The following LRMDA variants were observed in gnomAD, a reference collection of about 807,000 sequenced individuals.
The protein encoded by LRMDA is leucine-rich melanocyte differentiation-associated protein.
A neutral mutation model predicts 29.8 loss-of-function variants in LRMDA; 18 were observed. That is an observed-to-expected ratio of 0.60 (90% confidence interval 0.42 to 0.90). LRMDA has a LOEUF of 0.90. LRMDA is among the 40% of genes least tolerant of loss of function. The pLI is 0.00. For synonymous variants in LRMDA, 125 were observed against 109.4 expected (o/e 1.14, Z -0.89); for missense variants, 273 against 273.9 (o/e 1.00, Z 0.02).
At chr10:75,926,208 C>T (rs552911629) in intron 2 of LRMDA, among the ~76,000 whole-genome samples, 3 of 152,098 alleles carry the variant, frequency 2.0e-5, no homozygotes, top group Non-Finnish European at 4.4e-5. Context: ...TAGAACTGGG[C>T]ATCAACTGCC....
intron 2 of LRMDA, among the ~76,000 whole-genome samples, chr10:75,563,933 T>G (rs1196625812): frequency 6.6e-6 from 1 of 152,208 alleles, no homozygotes; most frequent in East Asian, 1.9e-4. Context: ...GGTGTCAGTC[T>G]GCCCCTACTG....
At chr10:75,551,139 A>G (rs73275594) in intron 2 of LRMDA, among the ~76,000 whole-genome samples, 4,189 of 151,368 alleles carry the variant, frequency 0.028, 213 homozygotes, top group African/African-American at 0.096. Flanking sequence ...TTTGCAAACT[A>G]AATATATTTT....
At chr10:75,886,040 G>A (rs1402672810) in intron 2 of LRMDA, among the ~76,000 whole-genome samples, 1 of 152,232 alleles carries the variant, frequency 6.6e-6, no homozygotes, top group African/African-American at 2.4e-5. Context: ...GAAAAGAGAA[G>A]AAAGTAGGAA....
intron 5 of LRMDA, among the ~76,000 whole-genome samples, chr10:76,294,310 T>C (rs181076978): frequency 6.6e-6 from 1 of 152,278 alleles, no homozygotes; most frequent in East Asian, 1.9e-4. Flanking sequence ...ACTCTTTGCT[T>C]TGCTGATTGC....
At chr10:75,904,488 T>A (rs1845727069) in intron 2 of LRMDA, among the ~76,000 whole-genome samples, 1 of 152,166 alleles carries the variant, frequency 6.6e-6, no homozygotes, top group Admixed American at 6.5e-5. Context: ...AAAAAATGAA[T>A]GTGTCAGTAA....
At chr10:76,147,235 T>G (rs1850342668) in intron 5 of LRMDA, among the ~76,000 whole-genome samples, 1 of 152,218 alleles carries the variant, frequency 6.6e-6, no homozygotes, top group African/African-American at 2.4e-5. Context: ...TTGGCCTGCC[T>G]TGCTAGATTG....
intron 6 of LRMDA, among the ~76,000 whole-genome samples, chr10:76,399,644 T>G (rs1026955598): frequency 6.6e-6 from 1 of 152,168 alleles, no homozygotes; most frequent in Non-Finnish European, 1.5e-5. Flanking sequence ...CGTTCTCTTT[T>G]TCCCCCCAAA....
intron 6 of LRMDA, among the ~76,000 whole-genome samples, chr10:76,421,380 TCTCTA>T (rs1179663787): frequency 3.9e-5 from 6 of 152,172 alleles, no homozygotes; most frequent in African/African-American, 1.2e-4. Context: ...TCTTTTCACT[TCTCTA>T]CTCTCAAATT....
chr10:75,491,161 G>A lies in LRMDA; in HGVS notation c.131+52667G>A, dbSNP rs143492820. Among the ~76,000 whole-genome samples the A allele has an allele frequency of 6.6e-4, 100 of 152,282 alleles. No homozygotes were observed. In the East Asian group the frequency reaches 0.017, roughly 26 times the overall value. Reference sequence around the variant, plus strand: ...GACTTGGAAGAATTATTATTTGGTTGTAGGCATTTTATTATGTAGCTTCGT... The same window carrying A: ...GACTTGGAAGAATTATTATTTGGTTATAGGCATTTTATTATGTAGCTTCGT... On this transcript the variant is annotated intron_variant, in intron 2 of 6. Coordinates refer to ENST00000611255, the MANE Select transcript of LRMDA (RefSeq NM_001305581.2).
intron 5 of LRMDA, among the ~76,000 whole-genome samples, chr10:76,167,476 G>C (rs114971939): frequency 0.011 from 1,627 of 152,220 alleles, 46 homozygotes; most frequent in African/African-American, 0.037. Context: ...GCATATGGCT[G>C]GCCAGTTATC....
At chr10:76,055,095 G>GAAAAAGA (rs1848591574) in intron 4 of LRMDA, among the ~76,000 whole-genome samples, 1 of 90,836 alleles carries the variant, frequency 1.1e-5, no homozygotes, top group Non-Finnish European at 2.2e-5. Flanking sequence ...AAAAAAAAAA[G>GAAAAAGA]AAAAAGAAAA....
intron 5 of LRMDA, among the ~76,000 whole-genome samples, chr10:76,175,630 C>T (rs1372862196): frequency 1.3e-5 from 2 of 152,190 alleles, no homozygotes; most frequent in African/African-American, 4.8e-5. Flanking sequence ...CTCGAGTTTG[C>T]TCAGCCTCCA....
chr10:76,241,426 G>A (rs1017649340), intron 5 of LRMDA, among the ~76,000 whole-genome samples: 1 of 152,050 alleles, frequency 6.6e-6, no homozygotes, highest in Non-Finnish European at 1.5e-5. Context: ...CATTACAGGT[G>A]GGAGAATAAT....
intron 2 of LRMDA, among the ~76,000 whole-genome samples, chr10:75,445,782 C>A (rs907394638): frequency 6.6e-6 from 1 of 152,236 alleles, no homozygotes; most frequent in Non-Finnish European, 1.5e-5. Flanking sequence ...GATAAATATT[C>A]CCATGTCAAC....
chr10:76,240,179 T>TACACACACACACACCAC (rs1021477810), intron 5 of LRMDA, among the ~76,000 whole-genome samples: 1 of 148,564 alleles, frequency 6.7e-6, no homozygotes, highest in Admixed American at 6.7e-5. Flanking sequence ...CAAAATCGCA[T>TACACACACACACACCAC]ACACACACAC....
In LRMDA at chr10:75,740,339, A is replaced by G. The variant is rs1345346873; in HGVS notation, c.132-295669A>G. Among the ~76,000 whole-genome samples the G allele has an allele frequency of 3.3e-5, 5 of 152,244 alleles. No homozygotes were observed. In the East Asian group the frequency reaches 7.7e-4, roughly 24 times the overall value. On this transcript the variant is annotated intron_variant, in intron 2 of 6. Transcript: ENST00000611255. ...GTCTTGGGGAATGGCTCCTGGGAAC[A>G]CGGGTGTCTGCTTGCGGCATCACTG...
At chr10:75,865,473 C>T (rs1228868952) in intron 2 of LRMDA, among the ~76,000 whole-genome samples, 1 of 152,206 alleles carries the variant, frequency 6.6e-6, no homozygotes, top group Non-Finnish European at 1.5e-5. Context: ...TTATTTTAGA[C>T]ACACTTCTAT....
chr10:75,831,119 C>T (rs1309382151), intron 2 of LRMDA, among the ~76,000 whole-genome samples: 2 of 151,886 alleles, frequency 1.3e-5, no homozygotes, highest in Non-Finnish European at 2.9e-5. Context: ...GATCTCGGCT[C>T]ACTGCAAGCT....
intron 2 of LRMDA, among the ~76,000 whole-genome samples, chr10:75,893,944 A>AC (rs2132356447): frequency 6.6e-6 from 1 of 151,228 alleles, no homozygotes; most frequent in African/African-American, 2.4e-5. Flanking sequence ...AAAAAAAAAA[A>AC]ACAAAAAAAA....
Sources: gnomAD v4.1 joint callset for allele counts (sites outside exome capture counted in the v4.1 genomes callset) on GRCh38, gnomAD v4.1.1 for gene constraint, MANE v1.5 for transcripts, NCBI Gene and HGNC (gene_info 2026-07-23, HGNC 2026-07-21) for gene names.